The following CLDN12 variants were observed in gnomAD, a reference collection of about 807,000 sequenced individuals.
CLDN12 encodes claudin-12.
Under a neutral mutation model 15.5 loss-of-function variants are expected in CLDN12, and 9 were observed. The observed-to-expected ratio is 0.58, with a 90% CI of 0.35 to 1.02. CLDN12 has a LOEUF of 1.02. Among genes scored for constraint, CLDN12 ranks in the 50% least tolerant of loss-of-function variants. The probability of loss-of-function intolerance (pLI) is 0.02; values close to 1 mark genes in which losing one functional copy is unlikely to be tolerated. For synonymous variants in CLDN12, 140 were observed against 121.6 expected (o/e 1.15, Z -1.00); for missense variants, 233 against 297.3 (o/e 0.78, Z 1.59).
Position 90,405,553 on chromosome 7 carries a change from A to G in CLDN12, c.-132A>G, listed in dbSNP as rs987257325. The G allele has an allele frequency of 5.9e-5, 9 of 152,116 alleles. No individual in the cohort carries two copies. The highest frequency in any genetic ancestry group is 8.8e-5 in the Non-Finnish European group (6 of 68,016). 9.4% of individuals were successfully genotyped at this position (152,116 alleles called of 1,614,324 possible). On this transcript the variant is annotated 5_prime_UTR_variant, in exon 2 of 4. It removes an upstream start codon present in the reference 5' UTR. Transcript: ENST00000496677. ...ATTGCTACTCTGTATTCAGATCTTC[A>G]TGTGTCTCTTCTAAGCTGAATAAAG...
At chr7:90,405,215 A>G (rs1010277305) in intron 1 of CLDN12, among the ~76,000 whole-genome samples, 1 of 152,190 alleles carries the variant, frequency 6.6e-6, no homozygotes, top group Non-Finnish European at 1.5e-5. Flanking sequence ...GGCATGAGCC[A>G]CCATGCCCAG....
At position 90,415,521 on chromosome 7, in the gene CLDN12, T is replaced by G. The variant is rs930764716; in HGVS notation, c.*2110T>G. ...ATAAGAATATTTTGGCTTTGTAATCTATAGCCTCAAATTGGTATTTATTAT... is the reference window on the plus strand; with the variant it reads ...ATAAGAATATTTTGGCTTTGTAATCGATAGCCTCAAATTGGTATTTATTAT... On this transcript the variant is annotated 3_prime_UTR_variant, in exon 4 of 4. Coordinates refer to ENST00000496677, the MANE Select transcript of CLDN12 (RefSeq NM_001185072.3). The G allele has an allele frequency of 6.0e-6, 1 of 166,594 alleles. No homozygotes were observed. Among genetic ancestry groups the G allele is most frequent in the African/African-American group, 2.4e-5 (1 of 41,480 alleles). The allele number at this position is 166,594 out of a possible 1,614,324, so 10.3% of individuals were successfully genotyped here.
intron 2 of CLDN12, among the ~76,000 whole-genome samples, chr7:90,407,524 G>GTTCA (rs1325914885): frequency 1.3e-5 from 2 of 152,138 alleles, no homozygotes; most frequent in Non-Finnish European, 1.5e-5. Flanking sequence ...CCATTTGTTT[G>GTTCA]TTCATTCATT....
chr7:90,408,994 T>C (rs1398842576), intron 2 of CLDN12: 2 of 152,040 alleles, frequency 1.3e-5, no homozygotes, highest in Admixed American at 1.3e-4. Context: ...ACTCCTGGGC[T>C]CAAGCTATCC....
intron 3 of CLDN12, 181 bp downstream of exon 3, chr7:90,412,230 T>C (rs1197235754): frequency 6.2e-6 from 1 of 161,536 alleles, no homozygotes; most frequent in Non-Finnish European, 1.4e-5. Context: ...TGTAGCTAAC[T>C]GATGATTGAT....
chr7:90,410,408 A>T (rs1416156002), intron 2 of CLDN12, among the ~76,000 whole-genome samples: 1 of 152,224 alleles, frequency 6.6e-6, no homozygotes, highest in Non-Finnish European at 1.5e-5. Context: ...AACCATGTTT[A>T]ACTTGAGGGC....
intron 1 of CLDN12, among the ~76,000 whole-genome samples, chr7:90,405,194 C>T (rs1796811171): frequency 6.6e-6 from 1 of 152,174 alleles, no homozygotes; most frequent in African/African-American, 2.4e-5. Flanking sequence ...TCCCACATGG[C>T]TGGGACTATA....
chr7:90,412,977 C>T lies in CLDN12; in HGVS notation c.301C>T (p.Leu101=). The T allele has an allele frequency of 6.2e-7, 1 of 1,614,158 alleles. No homozygotes were observed. The highest frequency in any genetic ancestry group is 8.5e-7 in the Non-Finnish European group (1 of 1,180,030). Reference sequence around the variant, plus strand: ...CAGCATGCTGATCGCCATGGGTGCCCTGCTGCTCTGCCTGATTGGAATGTG... The same window carrying T: ...CAGCATGCTGATCGCCATGGGTGCCTTGCTGCTCTGCCTGATTGGAATGTG... The part of the protein sequence containing the change: ...PLSMLIAMGA[L]LLCLIGMCNT... The change falls in exon 4 of 4, where the codon CTG becomes TTG. Residue 101 remains leucine (L), a synonymous_variant. Coordinates refer to ENST00000496677, the MANE Select transcript of CLDN12 (RefSeq NM_001185072.3).
At position 90,413,124 on chromosome 7, in the gene CLDN12, C is replaced by G. The variant is rs753910760; in HGVS notation, c.448C>G (p.Pro150Ala). 2.5e-6 allele frequency: 4 copies of G among 1,614,212 alleles called. No homozygotes were observed. The highest frequency in any genetic ancestry group is 3.4e-6 in the Non-Finnish European group (4 of 1,180,038). ...CCTGGCAGGTACTGTGAGCCTCTCC[C>G]CATCTATCTGGGTCATCTTTTATAA... is the stretch of plus-strand genomic sequence containing the variant. ...FFLAGTVSLS[P>A]SIWVIFYNIH... Residue 150 changes from proline (P) to alanine (A), a missense_variant, in exon 4 of 4, where the codon CCA becomes GCA. Pro to Ala is a conservative substitution (Grantham distance 27). Transcript: ENST00000496677.
chr7:90,404,895 T>TA (rs1174556961), intron 1 of CLDN12, among the ~76,000 whole-genome samples: 5 of 151,790 alleles, frequency 3.3e-5, no homozygotes, highest in Non-Finnish European at 5.9e-5. Context: ...TTTTTATTTT[T>TA]TTTTTTTTAT....
At position 90,415,740 on chromosome 7, in the gene CLDN12, A is replaced by G. The variant is rs1466524143; in HGVS notation, c.*2329A>G. On this transcript the variant is annotated 3_prime_UTR_variant, in exon 4 of 4. Coordinates refer to ENST00000496677, the MANE Select transcript of CLDN12 (RefSeq NM_001185072.3). The stretch of plus-strand genomic sequence containing the variant: ...TTGTTGTTAAAAGCCTATTATTGTT[A>G]AAGGCCTTTTATGGAAACCAACTTG... 6.0e-6 allele frequency: 1 copy of G among 167,078 alleles called. No individual in the cohort carries two copies. Among genetic ancestry groups the G allele is most frequent in the African/African-American group, 2.4e-5 (1 of 41,454 alleles). The allele number at this position is 167,078 out of a possible 1,614,324, so 10.3% of individuals were successfully genotyped here.
At chr7:90,407,133 C>T (rs1054594069) in intron 2 of CLDN12, among the ~76,000 whole-genome samples, 1 of 152,030 alleles carries the variant, frequency 6.6e-6, no homozygotes, top group Non-Finnish European at 1.5e-5. Flanking sequence ...CTCCTGACCT[C>T]GTGATCCACC....
intron 2 of CLDN12, among the ~76,000 whole-genome samples, chr7:90,408,018 C>T (rs1796877417): frequency 6.6e-6 from 1 of 151,988 alleles, no homozygotes; most frequent in South Asian, 2.1e-4. Context: ...GAAATGGGAA[C>T]TTATTGAATG....
At chr7:90,410,715 AAGG>A (rs1438238712) in intron 2 of CLDN12, among the ~76,000 whole-genome samples, 1 of 151,918 alleles carries the variant, frequency 6.6e-6, no homozygotes, top group African/African-American at 2.4e-5. Context: ...GTGGGGGTGG[AAGG>A]AGGAGGGCTG....
rs766378731 is a variant in CLDN12, at chr7:90,413,126, A to G, written c.450A>G (p.Pro150=). Residue 150 remains proline (P), a synonymous_variant, in exon 4 of 4, where the codon CCA becomes CCG. Coordinates refer to ENST00000496677, the MANE Select transcript of CLDN12 (RefSeq NM_001185072.3). ...FFLAGTVSLS[P]SIWVIFYNIH... Reference sequence around the variant, plus strand: ...TGGCAGGTACTGTGAGCCTCTCCCCATCTATCTGGGTCATCTTTTATAACA... The same window carrying G: ...TGGCAGGTACTGTGAGCCTCTCCCCGTCTATCTGGGTCATCTTTTATAACA... 6.2e-7 allele frequency: 1 copy of G among 1,614,140 alleles called. No individual in the cohort carries two copies. The highest frequency in any genetic ancestry group is 8.5e-7 in the Non-Finnish European group (1 of 1,180,026).
At chr7:90,410,874 A>C (rs1219585704) in intron 2 of CLDN12, among the ~76,000 whole-genome samples, 1 of 151,964 alleles carries the variant, frequency 6.6e-6, no homozygotes, top group Non-Finnish European at 1.5e-5. Context: ...ACGTGTGCTT[A>C]TGGTCCCAGC....
chr7:90,413,457 T>A lies in CLDN12; in HGVS notation c.*46T>A. 2 of 1,582,782 alleles carry A rather than the reference T, an allele frequency of 1.3e-6. No homozygotes were observed. The highest frequency in any genetic ancestry group is 1.7e-6 in the Non-Finnish European group (2 of 1,163,692). On this transcript the variant is annotated 3_prime_UTR_variant, in exon 4 of 4. Transcript: ENST00000496677. Reference sequence around the variant, plus strand: ...AAAGAAAACTTCTTGTAGCCTCACATTCCCCTTGTGCAAAGAGCTCTTTTG... The same window carrying A: ...AAAGAAAACTTCTTGTAGCCTCACAATCCCCTTGTGCAAAGAGCTCTTTTG...
intron 2 of CLDN12, chr7:90,406,193 G>C (rs898355280): frequency 3.3e-5 from 5 of 152,156 alleles, no homozygotes; most frequent in African/African-American, 1.2e-4. Flanking sequence ...AAATAGTACA[G>C]GGTCTATTGG....
At chr7:90,407,075 T>G (rs1796850955) in intron 2 of CLDN12, among the ~76,000 whole-genome samples, 1 of 152,194 alleles carries the variant, frequency 6.6e-6, no homozygotes, top group Non-Finnish European at 1.5e-5. Flanking sequence ...TTTTTGTTTT[T>G]GAAATGGAGT....
Sources: allele counts gnomAD v4.1 joint callset (sites outside exome capture counted in the v4.1 genomes callset), GRCh38; gene constraint gnomAD v4.1.1; transcripts MANE v1.5; gene names NCBI Gene and HGNC (gene_info 2026-07-23, HGNC 2026-07-21).